Variants in SEL1L observed in about 807,000 individuals in gnomAD.
SEL1L encodes the protein protein sel-1 homolog 1.
A neutral mutation model predicts 109.8 loss-of-function variants in SEL1L; 52 were observed. That is an observed-to-expected ratio of 0.47 (90% CI 0.38 to 0.60). The LOEUF is 0.60. Among genes scored for constraint, SEL1L ranks in the 20% least tolerant of loss-of-function variants. The pLI is 0.00. For synonymous variants in SEL1L, 373 were observed against 339.6 expected (o/e 1.10, Z -1.08); for missense variants, 749 against 962.2 (o/e 0.78, Z 2.93).
intron 9 of SEL1L, 103 bp downstream of exon 9, chr14:81,498,310 G>C (rs934895351): frequency 2.3e-5 from 22 of 969,204 alleles, no homozygotes; most frequent in Non-Finnish European, 3.2e-5. Context: ...CCACATAAAA[G>C]AGCCATTTAT....
rs1438754069 is a variant in SEL1L, at chr14:81,485,758, G to T, written c.1799-12C>A. ...AATGCTTGCTTCTCCTACAGGAAAA[G>T]AAATGAAATACAAATCAGGCATTTA... On this transcript the variant is annotated splice_polypyrimidine_tract_variant and intron_variant, in intron 17 of 20. Transcript: ENST00000336735. 5.0e-6 allele frequency: 8 copies of T among 1,611,016 alleles called. No individual in the cohort carries two copies. The African/African-American group carries it at 9.3e-5, about 19-fold the overall frequency.
Position 81,533,760 on chromosome 14 carries a change from G to T in SEL1L, c.-16C>A, listed in dbSNP as rs775005281. The T allele has an allele frequency of 4.3e-6, 7 of 1,611,692 alleles. No homozygotes were observed. In the South Asian group the frequency reaches 5.5e-5, roughly 13 times the overall value. Reference sequence around the variant, plus strand: ...GGACCCGCATCCTCCTCTCGGGGCCGGTGCCAACCCCTAGAGCTGTCGCCT... The same window carrying T: ...GGACCCGCATCCTCCTCTCGGGGCCTGTGCCAACCCCTAGAGCTGTCGCCT... On this transcript the variant is annotated 5_prime_UTR_variant, in exon 1 of 21. Transcript: ENST00000336735.
intron 1 of SEL1L, among the ~76,000 whole-genome samples, chr14:81,528,918 A>T (rs1459361724): frequency 2.0e-5 from 3 of 152,186 alleles, no homozygotes; most frequent in African/African-American, 7.2e-5. Context: ...TAACCAACTC[A>T]ATTATGCACA....
At chr14:81,521,732 T>C (rs562522495) in intron 3 of SEL1L, among the ~76,000 whole-genome samples, 17 of 152,354 alleles carry the variant, frequency 1.1e-4, no homozygotes, top group Non-Finnish European at 2.2e-4. Flanking sequence ...CAAACAACTA[T>C]GTTACTGGTC....
rs142177479 is a variant in SEL1L, at chr14:81,472,647, C to T, written c.*4325G>A. On this transcript the variant is annotated 3_prime_UTR_variant, in exon 21 of 21. Coordinates refer to ENST00000336735, the MANE Select transcript of SEL1L (RefSeq NM_005065.6). ...ATTATAATCAGGCTAAAGTGAATCA[C>T]GCTTACTACATATCAAGGCTGCTTC... 3.4e-4 allele frequency: 147 copies of T among 428,560 alleles called. No individual in the cohort carries two copies. Among genetic ancestry groups the T allele is most frequent in the African/African-American group, 2.6e-3 (127 of 48,252 alleles). 26.5% of individuals were successfully genotyped at this position (428,560 alleles called of 1,614,324 possible). A position where few individuals can be genotyped will look rare whatever the true frequency, so the allele number is the denominator to read the frequency against.
At chr14:81,514,710 G>A (rs533149038) in intron 3 of SEL1L, among the ~76,000 whole-genome samples, 11 of 152,234 alleles carry the variant, frequency 7.2e-5, no homozygotes, top group East Asian at 1.9e-4. Context: ...CCAAAACCGC[G>A]GGCGGTTCTG....
At chr14:81,486,716 G>GT (rs1275378182) in intron 16 of SEL1L, among the ~76,000 whole-genome samples, 5 of 151,050 alleles carry the variant, frequency 3.3e-5, no homozygotes, top group Non-Finnish European at 5.9e-5. Flanking sequence ...GGGCACTGTT[G>GT]TAATGATTTA....
chr14:81,473,693 T>C lies in SEL1L; in HGVS notation c.*3279A>G, dbSNP rs888461062. On this transcript the variant is annotated 3_prime_UTR_variant, in exon 21 of 21. Coordinates refer to ENST00000336735, the MANE Select transcript of SEL1L (RefSeq NM_005065.6). ...GACACATCTTGTTTTGAAATGTGCATGTGAAATGTTAGTCCGAACCTCTGT... is the reference window on the plus strand; with the variant it reads ...GACACATCTTGTTTTGAAATGTGCACGTGAAATGTTAGTCCGAACCTCTGT... 1 of 152,174 alleles carries C rather than the reference T, an allele frequency of 6.6e-6. No homozygotes were observed. Among genetic ancestry groups the C allele is most frequent in the Admixed American group, 6.5e-5 (1 of 15,278 alleles). The allele number at this position is 152,174 out of a possible 1,614,324, so 9.4% of individuals were successfully genotyped here.
At chr14:81,514,651 C>T (rs930618447) in intron 3 of SEL1L, among the ~76,000 whole-genome samples, 3 of 152,072 alleles carry the variant, frequency 2.0e-5, no homozygotes, top group East Asian at 1.9e-4. Flanking sequence ...TATTCTGATC[C>T]GGAGGGTCCA....
chr14:81,511,362 T>A (rs949023560), intron 3 of SEL1L, among the ~76,000 whole-genome samples: 2 of 152,140 alleles, frequency 1.3e-5, no homozygotes, highest in Non-Finnish European at 2.9e-5. Flanking sequence ...AGTGGCAAAC[T>A]TCATATTAAT....
Position 81,487,941 on chromosome 14 carries a change from T to A in SEL1L, c.1397A>T (p.Asn466Ile), listed in dbSNP as rs1243354551. The A allele has an allele frequency of 6.2e-7, 1 of 1,612,642 alleles. No homozygotes were observed. Among genetic ancestry groups the A allele is most frequent in the Non-Finnish European group, 8.5e-7 (1 of 1,179,056 alleles). Residue 466 changes from asparagine (N) to isoleucine (I), a missense_variant and splice_region_variant, in exon 15 of 21, where the codon AAT becomes ATT. By Grantham distance (149) the Asn-to-Ile change is moderately radical (BLOSUM62 -3). Around this residue, in one of 2 missense-constraint regions of SEL1L, gnomAD observed 383 missense variants for 562.5 expected, o/e 0.68. Transcript: ENST00000336735. The stretch of plus-strand genomic sequence containing the variant: ...GAAATACTTAAGGGCTAGATCATAA[T>A]TCTGTAGAAAAAGATGTCATATGAT... ...AYLYGRGVQV[N>I]YDLALKYFQK...
chr14:81,479,646 A>C lies in SEL1L; in HGVS notation c.2141T>G (p.Val714Gly), dbSNP rs1903283310. The change falls in exon 20 of 21, where the codon GTC becomes GGC. Residue 714 changes from valine to glycine, a missense_variant. By Grantham distance (109) the Val-to-Gly change is moderately radical. Around this residue, in one of 2 missense-constraint regions of SEL1L, gnomAD observed 383 missense variants for 562.5 expected, o/e 0.68. Transcript: ENST00000336735. ...PVFLALCKLG[V>G]VYFLQYIRET... is the part of the protein sequence containing the mutation. ...CCGTATGTACTGCAAGAAATAGACG[A>C]CGCCCAATTTGCAGAGGGCTAGGAA... 2.5e-6 allele frequency: 4 copies of C among 1,613,780 alleles called. No homozygotes were observed. The highest frequency in any genetic ancestry group is 3.4e-6 in the Non-Finnish European group (4 of 1,179,870).
At chr14:81,520,842 C>T (rs755987854) in intron 3 of SEL1L, among the ~76,000 whole-genome samples, 2 of 152,104 alleles carry the variant, frequency 1.3e-5, no homozygotes, top group Non-Finnish European at 2.9e-5. Context: ...ATGTAATTAT[C>T]AAAGAAGAAA....
chr14:81,492,648 T>C (rs1883591216), intron 11 of SEL1L, 100 bp from the exon 12 acceptor site: 1 of 771,510 alleles, frequency 1.3e-6, no homozygotes, highest in South Asian at 1.9e-5. Flanking sequence ...AAAATCTTGT[T>C]ATATTACAGT....
chr14:81,533,368 C>G, intron 1 of SEL1L, among the ~76,000 whole-genome samples: 1 of 152,176 alleles, frequency 6.6e-6, no homozygotes, highest in Non-Finnish European at 1.5e-5. Flanking sequence ...AAGCTCCACT[C>G]GGGCTCCTGT....
At chr14:81,533,600 C>T (rs529352543) in intron 1 of SEL1L, 75 bp downstream of exon 1, 1 of 1,439,358 alleles carries the variant, frequency 6.9e-7, no homozygotes, top group Non-Finnish European at 9.6e-7. Flanking sequence ...AGCCTGGAGT[C>T]CCCACGGCCC....
At chr14:81,512,402 G>C (rs1382082742) in intron 3 of SEL1L, among the ~76,000 whole-genome samples, 1 of 152,230 alleles carries the variant, frequency 6.6e-6, no homozygotes. Context: ...GTGGCAGACA[G>C]GGCAGACTGC....
chr14:81,510,472 A>ATC (rs374089460), intron 3 of SEL1L, among the ~76,000 whole-genome samples: 2,981 of 118,708 alleles, frequency 0.025, 50 homozygotes, highest in East Asian at 0.044. Flanking sequence ...TAGAATGCTG[A>ATC]TCTCTCTCTC....
intron 10 of SEL1L, among the ~76,000 whole-genome samples, chr14:81,495,502 T>C (rs555642992): frequency 1.3e-5 from 2 of 152,204 alleles, no homozygotes; most frequent in East Asian, 3.9e-4. Context: ...CCGGGCGTGG[T>C]AGCATACGCC....
Sources: allele counts gnomAD v4.1 joint callset (sites outside exome capture counted in the v4.1 genomes callset), GRCh38; gene constraint gnomAD v4.1.1; regional missense constraint gnomAD v4.1.1; transcripts MANE v1.5; gene names NCBI Gene and HGNC (gene_info 2026-07-23, HGNC 2026-07-21).